WDR62: variants seen among roughly 807,000 people sequenced by gnomAD.
WDR62 encodes WD repeat-containing protein 62.
In WDR62, 112 loss-of-function variants were observed where a neutral mutation model predicts 160.6. That is an observed-to-expected ratio of 0.70 (90% confidence interval 0.60 to 0.82). WDR62 has a LOEUF of 0.82. WDR62 is among the 40% of genes least tolerant of loss of function. The probability of loss-of-function intolerance (pLI) is 0.00; values close to 1 mark genes in which losing one functional copy is unlikely to be tolerated. For missense variants in WDR62, 1,819 were observed against 1,983.8 expected (o/e 0.92, Z 1.58); for synonymous variants, 792 against 815.1 (o/e 0.97, Z 0.48).
chr19:36,071,507 C>G lies in WDR62; in HGVS notation c.883-49C>G, dbSNP rs1971297025. ...TCTGTCAGTCCCCATATCCCCGGGC[C>G]AGGCCACGTGAAGCACCAAATCCAC... On this transcript the variant is annotated intron_variant, in intron 7 of 31. Coordinates refer to ENST00000401500, the MANE Select transcript of WDR62 (RefSeq NM_001083961.2). The G allele has an allele frequency of 3.7e-6, 6 of 1,613,442 alleles. No homozygotes were observed. In the African/African-American group the frequency reaches 6.7e-5, roughly 18 times the overall value.
intron 3 of WDR62, chr19:36,060,747 A>C (rs1970605531): frequency 6.6e-6 from 1 of 152,670 alleles, no homozygotes; most frequent in Admixed American, 6.5e-5. Context: ...TATGCTGTCC[A>C]GTTTCCTCAT....
At position 36,086,691 on chromosome 19, in the gene WDR62, G is replaced by T; in HGVS notation, c.1647G>T (p.Leu549=). 1 of 1,600,756 alleles carries T rather than the reference G, an allele frequency of 6.2e-7. No homozygotes were observed. Among genetic ancestry groups the T allele is most frequent in the South Asian group, 1.1e-5 (1 of 88,842 alleles). Residue 549 remains leucine (L), a synonymous_variant, in exon 13 of 32, where the codon CTG becomes CTT. Coordinates refer to ENST00000401500, the MANE Select transcript of WDR62 (RefSeq NM_001083961.2). The stretch of plus-strand genomic sequence containing the variant: ...TCTCATTCTCTCCTCTCACAGGGCT[G>T]ACCTTGCTGGCCTCAGCCAGTCGGG... ...CLEYSKPETG[L]TLLASASRDR... is the part of the protein sequence containing the mutation.
At chr19:36,093,634 C>T (rs1396349514) in intron 19 of WDR62, among the ~76,000 whole-genome samples, 1 of 152,134 alleles carries the variant, frequency 6.6e-6, no homozygotes, top group Non-Finnish European at 1.5e-5. Flanking sequence ...TCCCACTCCA[C>T]CCCCAAGCTA....
chr19:36,068,307 AT>A, intron 7 of WDR62, among the ~76,000 whole-genome samples: 1 of 152,172 alleles, frequency 6.6e-6, no homozygotes, highest in South Asian at 2.1e-4. Flanking sequence ...TCTACTTCAC[AT>A]TTCTTTTCTC....
intron 21 of WDR62, among the ~76,000 whole-genome samples, chr19:36,098,804 A>C (rs1181152081): frequency 6.6e-6 from 1 of 152,206 alleles, no homozygotes; most frequent in African/African-American, 2.4e-5. Context: ...CTGAAGTTTC[A>C]GAGAAAAGTT....
chr19:36,100,608 C>G (rs1568366593), intron 22 of WDR62, 140 bp from the exon 23 acceptor site: 1 of 1,289,224 alleles, frequency 7.8e-7, no homozygotes, highest in Non-Finnish European at 1.1e-6. Flanking sequence ...CAGACCAGGA[C>G]AAGCTGGTTG....
In WDR62 at chr19:36,103,561, C is replaced by G; in HGVS notation, c.3733C>G (p.Leu1245Val). ...GDSEGPIVAT[L>V]AQPLRRPSSV... ...CAGTGAGGGCCCTATCGTGGCCACA[C>G]TGGCCCAGCCCCTCCGTAGGCCATC... The change falls in exon 30 of 32, where the codon CTG (leucine) becomes GTG (valine). Residue 1245 changes from leucine (L) to valine (V), a missense_variant. Leu to Val is a conservative substitution (Grantham distance 32, BLOSUM62 1). Around this residue, in one of 3 missense-constraint regions of WDR62, gnomAD observed 770 missense variants for 734.2 expected, o/e 1.05. Coordinates refer to ENST00000401500, the MANE Select transcript of WDR62 (RefSeq NM_001083961.2). 1 of 1,613,994 alleles carries G rather than the reference C, an allele frequency of 6.2e-7. No individual in the cohort carries two copies. Among genetic ancestry groups the G allele is most frequent in the Non-Finnish European group, 8.5e-7 (1 of 1,180,034 alleles).
In WDR62 at chr19:36,091,178, A is replaced by G. The variant is rs773843303; in HGVS notation, c.2035-22A>G. 3.7e-6 allele frequency: 6 copies of G among 1,605,322 alleles called. No homozygotes were observed. In the East Asian group the frequency reaches 6.7e-5, roughly 18 times the overall value. On this transcript the variant is annotated intron_variant, in intron 16 of 31. Transcript: ENST00000401500. ...GGAAGAAGCAGGCAGCTGGAGTGAC[A>G]TGTGGGTCCCTTTCCTGGCAGGTCC...
intron 30 of WDR62, among the ~76,000 whole-genome samples, chr19:36,104,289 G>A (rs1436570718): frequency 6.6e-6 from 1 of 152,144 alleles, no homozygotes; most frequent in Non-Finnish European, 1.5e-5. Context: ...GGAGGGCGAG[G>A]GAGTGCAGGG....
chr19:36,065,597 G>T (rs570883337), intron 3 of WDR62, among the ~76,000 whole-genome samples: 114 of 152,334 alleles, frequency 7.5e-4, no homozygotes, highest in African/African-American at 2.7e-3. Flanking sequence ...CACCCGTTTA[G>T]TTAGGCCAGG....
At chr19:36,108,863 A>AAC (rs1555725711), downstream of WDR62, among the ~76,000 whole-genome samples, 98 of 108,968 alleles carry the variant, frequency 9.0e-4, no homozygotes, top group East Asian at 9.1e-3. Flanking sequence ...CAAAAAAAAA[A>AAC]AAAAAAAAAA....
intron 18 of WDR62, 149 bp from the exon 19 acceptor site, chr19:36,092,540 C>T: frequency 1.7e-6 from 2 of 1,145,334 alleles, no homozygotes; most frequent in Non-Finnish European, 2.6e-6. Context: ...GTCCAGCACC[C>T]CTGCACTAAG....
intron 16 of WDR62, 36 bp from the exon 17 acceptor site, chr19:36,091,164 G>A: frequency 6.3e-7 from 1 of 1,578,276 alleles, no homozygotes; most frequent in Non-Finnish European, 8.7e-7. Flanking sequence ...GAAGAAGCAG[G>A]CAGCTGGAGT....
intron 19 of WDR62, among the ~76,000 whole-genome samples, chr19:36,093,133 G>C (rs1019915823): frequency 2.6e-5 from 4 of 152,266 alleles, no homozygotes; most frequent in African/African-American, 9.6e-5. Context: ...CACTGCACCC[G>C]GCTATGAGAA....
rs748106281 is a variant in WDR62, at chr19:36,103,196, G to A, written c.3503G>A (p.Trp1168Ter). 3 of 1,613,856 alleles carry A rather than the reference G, an allele frequency of 1.9e-6. No individual in the cohort carries two copies. In the South Asian group the frequency reaches 3.3e-5, roughly 18 times the overall value. The change falls in exon 29 of 32, where the codon TGG (tryptophan) becomes TAG (stop). Residue 1168 changes from tryptophan (W) to a stop codon, truncating the protein, a stop_gained. Transcript: ENST00000401500. LOFTEE classifies it high-confidence loss of function. ...AAGGCTGAAGAGACCCTGGAGGCCT[G>A]GCGCCCACCACGTGAGTGCCCCAGT... ...AGKAEETLEA[W>*]RPPPPCLTSL...
At chr19:36,081,814 G>A (rs1018464745) in intron 10 of WDR62, 1 of 641,534 alleles carries the variant, frequency 1.6e-6, no homozygotes, top group Admixed American at 2.1e-5. Context: ...CTCTGCAGAT[G>A]TGTGGACGTG....
rs886054356 is a variant in WDR62, at chr19:36,067,454, G to C, written c.699+11G>C. 1.2e-6 allele frequency: 2 copies of C among 1,614,104 alleles called. No homozygotes were observed. The highest frequency in any genetic ancestry group is 2.7e-5 in the African/African-American group (2 of 75,062). ...TCCACTGAGACAAAGGTGAGTTTCTGTCCCTGCCCCTTTAGCCAGGCCCTG... is the reference window on the plus strand; with the variant it reads ...TCCACTGAGACAAAGGTGAGTTTCTCTCCCTGCCCCTTTAGCCAGGCCCTG... On this transcript the variant is annotated intron_variant, in intron 6 of 31. Coordinates refer to ENST00000401500, the MANE Select transcript of WDR62 (RefSeq NM_001083961.2).
chr19:36,103,043 G>A lies in WDR62; in HGVS notation c.3431G>A (p.Gly1144Asp). ...CGAGGCGGAAGCCAGCCCAGAGCAGGTACTGGCTACGCCTCCCCAGACAGG... is the reference window on the plus strand; with the variant it reads ...CGAGGCGGAAGCCAGCCCAGAGCAGATACTGGCTACGCCTCCCCAGACAGG... ...MDRGGSQPRA[G>D]TGYASPDRTH... Residue 1144 changes from glycine to aspartate, a missense_variant, in exon 28 of 32, where the codon GGT (glycine) becomes GAT (aspartate). Physicochemically the swap from Gly to Asp is moderately conservative, Grantham distance 94. Transcript: ENST00000401500. The A allele has an allele frequency of 9.3e-6, 15 of 1,614,120 alleles. No homozygotes were observed. The highest frequency in any genetic ancestry group is 1.2e-5 in the Non-Finnish European group (14 of 1,180,034).
intron 15 of WDR62, 141 bp downstream of exon 15, chr19:36,089,447 T>C: frequency 2.1e-6 from 3 of 1,403,164 alleles, no homozygotes; most frequent in Non-Finnish European, 3.0e-6. Flanking sequence ...GGTTTTTTTT[T>C]GTTTTTGTTT....
Sources: gnomAD v4.1 joint callset for allele counts (sites outside exome capture counted in the v4.1 genomes callset) on GRCh38, gnomAD v4.1.1 for gene constraint, gnomAD v4.1.1 regional missense constraint, MANE v1.5 for transcripts, NCBI Gene and HGNC (gene_info 2026-07-23, HGNC 2026-07-21) for gene names.